The following COL4A1 variants were observed in gnomAD, a reference collection of about 807,000 sequenced individuals.
The protein encoded by COL4A1 is collagen alpha-1(IV) chain.
COL4A1 carries 40 observed loss-of-function variants against 216.6 expected under a neutral mutation model. The observed-to-expected ratio is 0.18, with a 90% confidence interval of 0.14 to 0.24. The LOEUF (loss-of-function observed/expected upper bound fraction) is 0.24. Ranked by LOEUF, COL4A1 falls within the 10% of genes least tolerant of loss-of-function variation. The pLI is 1.00. For missense variants in COL4A1, 1,628 were observed against 2,196.8 expected (o/e 0.74, Z 5.18); for synonymous variants, 839 against 810.7 (o/e 1.03, Z -0.59).
At chr13:110,214,386 G>A (rs1450415554) in intron 2 of COL4A1, among the ~76,000 whole-genome samples, 2 of 152,156 alleles carry the variant, frequency 1.3e-5, no homozygotes, top group Non-Finnish European at 1.5e-5. Context: ...TACCACGCCT[G>A]GCCCGTGATG....
chr13:110,273,236 G>A lies in COL4A1; in HGVS notation c.85-30502C>T, dbSNP rs182354829. 4.8e-3 allele frequency among the ~76,000 whole-genome samples: 737 copies of A among 152,282 alleles called. 4 individuals carry two copies. The highest frequency in any genetic ancestry group is 0.017 in the African/African-American group (688 of 41,556). ...ACTGTCGGTCACTGTTGTGGGTACC[G>A]AAATGGAGAAAAGTGGAGAAGGTCC... On this transcript the variant is annotated intron_variant, in intron 1 of 51. Coordinates refer to ENST00000375820, the MANE Select transcript of COL4A1 (RefSeq NM_001845.6).
chr13:110,160,509 G>A (rs1168134372), intron 49 of COL4A1, among the ~76,000 whole-genome samples: 1 of 151,950 alleles, frequency 6.6e-6, no homozygotes, highest in Non-Finnish European at 1.5e-5. Flanking sequence ...GTCTTAAAAG[G>A]CTCCTTGGGG....
chr13:110,232,908 C>A (rs1486396831), intron 2 of COL4A1, among the ~76,000 whole-genome samples: 1 of 152,114 alleles, frequency 6.6e-6, no homozygotes, highest in African/African-American at 2.4e-5. Context: ...GGTCCCACAG[C>A]GCATGGCAAA....
intron 1 of COL4A1, among the ~76,000 whole-genome samples, chr13:110,286,694 C>G (rs79514338): frequency 1.3e-5 from 2 of 152,148 alleles, no homozygotes; most frequent in Non-Finnish European, 2.9e-5. Context: ...CAAAGGTGAA[C>G]AAACCATGAG....
At chr13:110,191,563 A>G (rs1428492575) in intron 24 of COL4A1, 5 of 620,972 alleles carry the variant, frequency 8.1e-6, no homozygotes, top group African/African-American at 5.6e-5. Context: ...AACAAACTAC[A>G]AAAGCTAAGA....
intron 1 of COL4A1, among the ~76,000 whole-genome samples, chr13:110,270,640 C>T (rs769282374): frequency 1.4e-4 from 21 of 152,048 alleles, no homozygotes; most frequent in Non-Finnish European, 1.8e-4. Context: ...ACCTCCCAGG[C>T]CAGTGTTTCC....
At chr13:110,240,218 T>A (rs189325903) in intron 2 of COL4A1, among the ~76,000 whole-genome samples, 3 of 150,772 alleles carry the variant, frequency 2.0e-5, no homozygotes, top group Admixed American at 6.6e-5. Flanking sequence ...TAAAAAAAAT[T>A]AAAAAAAAAC....
chr13:110,198,078 G>GTGTGTGTGTGTGTGTGTGT lies in COL4A1; in HGVS notation c.1285+388_1285+389insACACACACACACACACACA, dbSNP rs1555305317. ...GTAATCCTGTCTTCCTTGTTTCTGG[G>GTGTGTGTGTGTGTGTGTGT]GTGTGTGTGTGTGTGTGTGTGTGTG... On this transcript the variant is annotated intron_variant, in intron 21 of 51. Transcript: ENST00000375820. Among the ~76,000 whole-genome samples the GTGTGTGTGTGTGTGTGTGT allele has an allele frequency of 2.1e-3, 298 of 141,924 alleles. 2 individuals carry two copies. The highest frequency in any genetic ancestry group is 7.2e-3 in the Middle Eastern group (2 of 278). 93.1% of individuals were successfully genotyped at this position (141,924 alleles called of 152,430 possible).
In COL4A1 at chr13:110,187,247, T is replaced by G; in HGVS notation, c.1619A>C (p.Lys540Thr). ...PGEFYFDLRL[K>T]GDKGDPGFPG... Reference sequence around the variant, plus strand: ...AAAGCCTGGGTCTCCTTTGTCACCTTTGAGCCGCAAGTCGAAATAAAACTC... The same window carrying G: ...AAAGCCTGGGTCTCCTTTGTCACCTGTGAGCCGCAAGTCGAAATAAAACTC... Residue 540 changes from lysine to threonine, a missense_variant, in exon 25 of 52, where the codon AAA (lysine) becomes ACA (threonine). Coordinates refer to ENST00000375820, the MANE Select transcript of COL4A1 (RefSeq NM_001845.6). The G allele has an allele frequency of 6.2e-7, 1 of 1,613,878 alleles. No individual in the cohort carries two copies. The highest frequency in any genetic ancestry group is 8.5e-7 in the Non-Finnish European group (1 of 1,179,894).
Position 110,209,954 on chromosome 13 carries a change from T to C in COL4A1, c.615+26A>G, listed in dbSNP as rs773134907. 3.7e-6 allele frequency: 6 copies of C among 1,613,132 alleles called. No individual in the cohort carries two copies. The Admixed American group carries it at 8.3e-5, about 22-fold the overall frequency. ...TATAGTTGTTTTTTAAATGATTGCC[T>C]CGGAGAGACAGCCCCCAAAACTTAC... On this transcript the variant is annotated intron_variant, in intron 10 of 51. Coordinates refer to ENST00000375820, the MANE Select transcript of COL4A1 (RefSeq NM_001845.6).
chr13:110,192,401 A>C (rs1397533510), intron 23 of COL4A1, 117 bp from the exon 24 acceptor site: 3 of 983,558 alleles, frequency 3.1e-6, no homozygotes, highest in Non-Finnish European at 4.8e-6. Flanking sequence ...GATTGCTTGG[A>C]TAATCCAAAG....
chr13:110,249,706 G>A (rs1443180851), intron 1 of COL4A1, among the ~76,000 whole-genome samples: 5 of 152,124 alleles, frequency 3.3e-5, no homozygotes, highest in South Asian at 2.1e-4. Flanking sequence ...TGTACCCTTC[G>A]CCTTTGATAT....
intron 47 of COL4A1, among the ~76,000 whole-genome samples, chr13:110,163,086 A>G (rs1421695102): frequency 6.6e-6 from 1 of 152,218 alleles, no homozygotes; most frequent in Non-Finnish European, 1.5e-5. Flanking sequence ...CTAAGGAAGC[A>G]GATCAAGTTC....
intron 49 of COL4A1, among the ~76,000 whole-genome samples, chr13:110,159,183 G>A (rs1398638658): frequency 5.3e-5 from 8 of 152,156 alleles, no homozygotes; most frequent in Admixed American, 1.3e-4. Context: ...ATATTAGTGC[G>A]GATAAACACT....
At chr13:110,277,827 A>G (rs1467455014) in intron 1 of COL4A1, among the ~76,000 whole-genome samples, 1 of 152,182 alleles carries the variant, frequency 6.6e-6, no homozygotes, top group African/African-American at 2.4e-5. Context: ...GTTAAAGGTC[A>G]CTCACTTCAA....
In COL4A1 at chr13:110,187,316, G is replaced by A. The variant is rs1269728194; in HGVS notation, c.1550C>T (p.Thr517Ile). 1 of 1,612,362 alleles carries A rather than the reference G, an allele frequency of 6.2e-7. No homozygotes were observed. The highest frequency in any genetic ancestry group is 1.7e-5 in the Admixed American group (1 of 60,014). ...GVAGVPGPQG[T>I]PGLIGQPGAK... Reference sequence around the variant, plus strand: ...TCCTGGCTGGCCTATCAGCCCTGGTGTACCTTGAGGGCCCTGTAAGAACAA... The same window carrying A: ...TCCTGGCTGGCCTATCAGCCCTGGTATACCTTGAGGGCCCTGTAAGAACAA... Residue 517 changes from threonine (T) to isoleucine (I), a missense_variant, in exon 25 of 52, where the codon ACA becomes ATA. Coordinates refer to ENST00000375820, the MANE Select transcript of COL4A1 (RefSeq NM_001845.6).
At chr13:110,306,286 T>G (rs1408042616) in intron 1 of COL4A1, among the ~76,000 whole-genome samples, 1 of 152,230 alleles carries the variant, frequency 6.6e-6, no homozygotes, top group African/African-American at 2.4e-5. Flanking sequence ...TGGTTATAAT[T>G]TTTTAAAATA....
rs749916077 is a variant in COL4A1 at position 110,150,347 on chromosome 13, G to T, written c.*16C>A. 1 of 1,611,668 alleles carries T rather than the reference G, an allele frequency of 6.2e-7. No homozygotes were observed. The highest frequency in any genetic ancestry group is 2.2e-5 in the East Asian group (1 of 44,860). ...GAAGTAGCACCATGTTGTGACATTA[G>T]CTGAGTCAGGCTTCATTATGTTCTT... On this transcript the variant is annotated 3_prime_UTR_variant, in exon 52 of 52. Coordinates refer to ENST00000375820, the MANE Select transcript of COL4A1 (RefSeq NM_001845.6).
chr13:110,257,179 T>C (rs757089124), intron 1 of COL4A1, among the ~76,000 whole-genome samples: 1 of 152,236 alleles, frequency 6.6e-6, no homozygotes, highest in Non-Finnish European at 1.5e-5. Flanking sequence ...ATCTGATTTG[T>C]ATCTTTAAAA....
Sources: allele counts gnomAD v4.1 joint callset (sites outside exome capture counted in the v4.1 genomes callset), GRCh38; gene constraint gnomAD v4.1.1; transcripts MANE v1.5; gene names NCBI Gene and HGNC (gene_info 2026-07-23, HGNC 2026-07-21).